Variants in CNTNAP2 observed in about 807,000 individuals in gnomAD.
CNTNAP2 encodes contactin-associated protein-like 2.
A neutral mutation model predicts 155.2 loss-of-function variants in CNTNAP2; 98 were observed. The ratio of observed to expected loss-of-function variants is 0.63; its 90% confidence interval spans 0.54 to 0.75. The LOEUF is 0.75. CNTNAP2 is among the 30% of genes least tolerant of loss of function. The pLI, the probability that CNTNAP2 is intolerant of heterozygous loss-of-function variation, is 0.00. For synonymous variants in CNTNAP2, 651 were observed against 631.2 expected (o/e 1.03, Z -0.47); for missense variants, 1,727 against 1,688.1 (o/e 1.02, Z -0.40).
intron 10 of CNTNAP2, among the ~76,000 whole-genome samples, chr7:147,472,636 GT>G (rs1798245696): frequency 6.6e-6 from 1 of 152,156 alleles, no homozygotes; most frequent in Non-Finnish European, 1.5e-5. Context: ...AATGGGGTGG[GT>G]GGGGTTAGGA....
intron 3 of CNTNAP2, among the ~76,000 whole-genome samples, chr7:146,900,850 A>T (rs1400694648): frequency 6.6e-6 from 1 of 152,148 alleles, no homozygotes; most frequent in East Asian, 1.9e-4. Context: ...GGGAATCCAG[A>T]CCATCTTATT....
intron 14 of CNTNAP2, among the ~76,000 whole-genome samples, chr7:147,949,459 T>TA (rs1554453475): frequency 0.061 from 7,786 of 128,344 alleles, 409 homozygotes; most frequent in African/African-American, 0.16. Context: ...TATATATATA[T>TA]TTTTTTTTTT....
chr7:147,932,728 A>G (rs1309206196), intron 14 of CNTNAP2, among the ~76,000 whole-genome samples: 2 of 152,218 alleles, frequency 1.3e-5, no homozygotes, highest in Non-Finnish European at 2.9e-5. Flanking sequence ...ATGTCAAACT[A>G]AAAAACTTCT....
At chr7:146,336,964 A>G (rs1262870585) in intron 1 of CNTNAP2, among the ~76,000 whole-genome samples, 1 of 152,200 alleles carries the variant, frequency 6.6e-6, no homozygotes, top group African/African-American at 2.4e-5. Flanking sequence ...TGGGTCTGAG[A>G]TGGAACAGTT....
At chr7:147,493,693 A>G (rs534352681) in intron 11 of CNTNAP2, among the ~76,000 whole-genome samples, 90 of 152,314 alleles carry the variant, frequency 5.9e-4, no homozygotes, top group African/African-American at 2.0e-3. Context: ...AATAAATTCT[A>G]TGTATTCTTA....
chr7:148,310,611 G>A (rs1377914206), intron 21 of CNTNAP2, among the ~76,000 whole-genome samples: 1 of 152,096 alleles, frequency 6.6e-6, no homozygotes, highest in Non-Finnish European at 1.5e-5. Context: ...GGAGCTCTTC[G>A]GTCCTATTTG....
At chr7:147,282,117 C>T (rs1805050071) in intron 8 of CNTNAP2, among the ~76,000 whole-genome samples, 1 of 151,828 alleles carries the variant, frequency 6.6e-6, no homozygotes. Flanking sequence ...CTTCTTAGTC[C>T]TCCTTGTTCT....
rs533776868 is a variant in CNTNAP2 at position 147,585,064 on chromosome 7, C to T, written c.1897+22807C>T. The stretch of plus-strand genomic sequence containing the variant: ...CTCTGTGTTGCCCACAGCCTTCTGT[C>T]TGCACTTTCCTATTTGACAGAAACA... On this transcript the variant is annotated intron_variant, in intron 12 of 23. Transcript: ENST00000361727. Among the ~76,000 whole-genome samples the T allele has an allele frequency of 7.2e-5, 11 of 152,272 alleles. No individual in the cohort carries two copies. In the East Asian group the frequency reaches 1.5e-3, roughly 21 times the overall value.
At chr7:147,066,708 G>T (rs984143384) in intron 4 of CNTNAP2, among the ~76,000 whole-genome samples, 1 of 152,150 alleles carries the variant, frequency 6.6e-6, no homozygotes, top group Non-Finnish European at 1.5e-5. Context: ...AATTAAACAG[G>T]TTTGCTTTCC....
At chr7:147,758,280 T>A (rs1797247196) in intron 13 of CNTNAP2, among the ~76,000 whole-genome samples, 1 of 152,216 alleles carries the variant, frequency 6.6e-6, no homozygotes, top group Admixed American at 6.5e-5. Flanking sequence ...ACTGTTTTAC[T>A]TATCTCACCG....
intron 2 of CNTNAP2, among the ~76,000 whole-genome samples, chr7:146,776,721 T>C (rs967491764): frequency 2.6e-5 from 4 of 152,160 alleles, no homozygotes. Context: ...AGAAAAAATA[T>C]ATAGGTTTTT....
chr7:147,030,788 G>T (rs942573931), intron 3 of CNTNAP2, among the ~76,000 whole-genome samples: 6 of 152,158 alleles, frequency 3.9e-5, no homozygotes, highest in African/African-American at 1.2e-4. Flanking sequence ...AGAGGCCAAG[G>T]TGGGAGGATT....
chr7:147,401,469 A>T (rs1432535236), intron 10 of CNTNAP2, among the ~76,000 whole-genome samples: 1 of 152,202 alleles, frequency 6.6e-6, no homozygotes, highest in Non-Finnish European at 1.5e-5. Context: ...GAAAAGAATA[A>T]GTAAATGAAT....
At chr7:146,948,583 CAT>C (rs1364646804) in intron 3 of CNTNAP2, among the ~76,000 whole-genome samples, 1 of 152,140 alleles carries the variant, frequency 6.6e-6, no homozygotes, top group Non-Finnish European at 1.5e-5. Context: ...CATTCCAAAA[CAT>C]ATGTTCACAT....
At chr7:146,871,226 T>C (rs937735552) in intron 3 of CNTNAP2, among the ~76,000 whole-genome samples, 26 of 152,112 alleles carry the variant, frequency 1.7e-4, no homozygotes, top group Non-Finnish European at 3.4e-4. Flanking sequence ...AATTTTGTTT[T>C]TTCCTGTCTC....
chr7:146,391,959 C>G (rs1179106234), intron 1 of CNTNAP2, among the ~76,000 whole-genome samples: 2 of 151,908 alleles, frequency 1.3e-5, no homozygotes, highest in African/African-American at 2.4e-5. Flanking sequence ...CATAACAAAC[C>G]TGCACTTGTA....
At chr7:147,339,939 T>C (rs750273760) in intron 9 of CNTNAP2, among the ~76,000 whole-genome samples, 5 of 152,176 alleles carry the variant, frequency 3.3e-5, no homozygotes, top group African/African-American at 4.8e-5. Flanking sequence ...CTCTCTCAGA[T>C]AAAAGCTCCT....
chr7:147,946,537 A>C (rs1800822124), intron 14 of CNTNAP2, among the ~76,000 whole-genome samples: 1 of 152,086 alleles, frequency 6.6e-6, no homozygotes, highest in East Asian at 1.9e-4. Context: ...GTGGGTCCAA[A>C]TTTCAGCTAG....
chr7:147,482,227 C>T (rs542514397), intron 10 of CNTNAP2, among the ~76,000 whole-genome samples: 1 of 152,056 alleles, frequency 6.6e-6, no homozygotes, highest in Non-Finnish European at 1.5e-5. Context: ...TGTGGAAATA[C>T]AGAAGAAATA....
Sources: allele counts gnomAD v4.1 joint callset (sites outside exome capture counted in the v4.1 genomes callset), GRCh38; gene constraint gnomAD v4.1.1; transcripts MANE v1.5; gene names NCBI Gene and HGNC (gene_info 2026-07-23, HGNC 2026-07-21).